NELL1: variants seen among roughly 807,000 people sequenced by gnomAD.
NELL1 encodes the protein protein kinase C-binding protein NELL1.
Under a neutral mutation model 107.4 loss-of-function variants are expected in NELL1, and 76 were observed. The observed-to-expected ratio is 0.71, with a 90% confidence interval of 0.59 to 0.86. The LOEUF (loss-of-function observed/expected upper bound fraction) is 0.86. Ranked by LOEUF, NELL1 falls within the 40% of genes least tolerant of loss-of-function variation. NELL1 has a pLI of 0.00. For missense variants in NELL1, 1,024 were observed against 1,005.5 expected (o/e 1.02, Z -0.25); for synonymous variants, 353 against 341.2 (o/e 1.03, Z -0.38).
At chr11:20,727,490 G>A (rs1218307669) in intron 2 of NELL1, among the ~76,000 whole-genome samples, 1 of 152,136 alleles carries the variant, frequency 6.6e-6, no homozygotes, top group African/African-American at 2.4e-5. Context: ...GTAGATTCTG[G>A]ATATTAGCCC....
chr11:21,113,461 G>A (rs1278531163), intron 12 of NELL1, 128 bp from the exon 13 acceptor site: 2 of 907,044 alleles, frequency 2.2e-6, no homozygotes, highest in Non-Finnish European at 3.3e-6. Flanking sequence ...AAGCTTTTGT[G>A]TTTAATGCAT....
intron 14 of NELL1, among the ~76,000 whole-genome samples, chr11:21,367,261 TACACACAC>T (rs72275889): frequency 0.4 from 57,840 of 145,020 alleles, 11,897 homozygotes; most frequent in Non-Finnish European, 0.46. Flanking sequence ...TTTATCTTAC[TACACACAC>T]ACACACACAC....
At chr11:21,382,355 CATT>C (rs1383632661) in intron 15 of NELL1, among the ~76,000 whole-genome samples, 3 of 151,904 alleles carry the variant, frequency 2.0e-5, no homozygotes, top group African/African-American at 7.2e-5. Context: ...ACAACTATTA[CATT>C]ATTGTCTATC....
chr11:21,288,554 T>A (rs1216458502), intron 14 of NELL1, among the ~76,000 whole-genome samples: 3 of 152,352 alleles, frequency 2.0e-5, no homozygotes, highest in African/African-American at 7.2e-5. Flanking sequence ...TCATCCCAAC[T>A]CTGCCACACA....
At chr11:21,093,400 T>G (rs1256194105) in intron 12 of NELL1, among the ~76,000 whole-genome samples, 1 of 152,206 alleles carries the variant, frequency 6.6e-6, no homozygotes, top group Non-Finnish European at 1.5e-5. Context: ...TACTTCTTCT[T>G]TGGCCAACTC....
At chr11:21,281,854 G>A (rs1849002669) in intron 14 of NELL1, among the ~76,000 whole-genome samples, 1 of 152,150 alleles carries the variant, frequency 6.6e-6, no homozygotes, top group African/African-American at 2.4e-5. Flanking sequence ...AATAAAAATG[G>A]ATTAGACTTA....
chr11:20,899,720 C>A (rs796335002), intron 5 of NELL1, among the ~76,000 whole-genome samples: 5 of 151,636 alleles, frequency 3.3e-5, no homozygotes, highest in African/African-American at 1.2e-4. Flanking sequence ...GAAGTTTGAG[C>A]AAGAAGAAAA....
chr11:20,725,027 A>ATGAGTGTGT (rs1373850154), intron 2 of NELL1, among the ~76,000 whole-genome samples: 1 of 152,218 alleles, frequency 6.6e-6, no homozygotes, highest in East Asian at 1.9e-4. Context: ...TAAAACCATC[A>ATGAGTGTGT]GCTCTCATAA....
At position 21,478,841 on chromosome 11, in the gene NELL1, GA is replaced by G. The variant is rs34783621; in HGVS notation, c.1646-55522del. Among the ~76,000 whole-genome samples the G allele has an allele frequency of 1.1e-3, 159 of 147,306 alleles. 2 individuals are homozygous for G. The South Asian group carries it at 0.015, about 14-fold the overall frequency. Reference sequence around the variant, plus strand: ...TATAGGAGCTCAAACAACCCTATAAGAAAAAAAAAAACTGATAATCTGATTT... The same window carrying G: ...TATAGGAGCTCAAACAACCCTATAAGAAAAAAAAAACTGATAATCTGATTT... On this transcript the variant is annotated intron_variant, in intron 15 of 19. Transcript: ENST00000357134.
At chr11:21,215,924 A>G (rs954914938) in intron 13 of NELL1, among the ~76,000 whole-genome samples, 6 of 152,208 alleles carry the variant, frequency 3.9e-5, no homozygotes, top group African/African-American at 1.4e-4. Context: ...CTGAGTGTTA[A>G]TCACCAAGGC....
intron 12 of NELL1, among the ~76,000 whole-genome samples, chr11:21,002,659 C>T (rs537513015): frequency 1.9e-4 from 29 of 152,256 alleles, no homozygotes; most frequent in African/African-American, 6.7e-4. Flanking sequence ...GAAAGAGGTT[C>T]TCTTGTCTAG....
intron 3 of NELL1, among the ~76,000 whole-genome samples, chr11:20,841,120 C>A (rs537291752): frequency 4.6e-5 from 7 of 152,174 alleles, no homozygotes; most frequent in African/African-American, 1.7e-4. Flanking sequence ...GTTTACTTCC[C>A]AGTTCAATGT....
intron 12 of NELL1, among the ~76,000 whole-genome samples, chr11:21,104,753 A>C (rs1346693471): frequency 6.6e-6 from 1 of 152,236 alleles, no homozygotes; most frequent in Non-Finnish European, 1.5e-5. Flanking sequence ...TGTTATCATT[A>C]TTAGTCAGCT....
intron 12 of NELL1, among the ~76,000 whole-genome samples, chr11:21,000,356 G>A (rs1852189559): frequency 6.6e-6 from 1 of 152,122 alleles, no homozygotes; most frequent in African/African-American, 2.4e-5. Flanking sequence ...ACCTACTTAA[G>A]GGAACCTTTA....
At chr11:20,953,967 A>G (rs997478291) in intron 11 of NELL1, among the ~76,000 whole-genome samples, 2 of 152,158 alleles carry the variant, frequency 1.3e-5, no homozygotes, top group Non-Finnish European at 2.9e-5. Context: ...ATGCCTGCAC[A>G]TGTGCTAGGT....
intron 14 of NELL1, among the ~76,000 whole-genome samples, chr11:21,314,917 C>T (rs1018565872): frequency 2.0e-5 from 3 of 151,486 alleles, no homozygotes; most frequent in African/African-American, 4.9e-5. Flanking sequence ...AGTGCAGTGG[C>T]GCAATATCAG....
intron 15 of NELL1, among the ~76,000 whole-genome samples, chr11:21,477,151 TC>T (rs1564913579): frequency 6.6e-6 from 1 of 151,758 alleles, no homozygotes; most frequent in South Asian, 2.1e-4. Flanking sequence ...GCACCACCCC[TC>T]CCCCAAGCCC....
intron 12 of NELL1, among the ~76,000 whole-genome samples, chr11:20,985,561 G>A (rs1345662582): frequency 6.6e-6 from 1 of 152,150 alleles, no homozygotes; most frequent in Non-Finnish European, 1.5e-5. Flanking sequence ...GGTGCCATAA[G>A]AACCCACAGA....
At chr11:20,990,123 A>G (rs887585044) in intron 12 of NELL1, among the ~76,000 whole-genome samples, 1 of 150,828 alleles carries the variant, frequency 6.6e-6, no homozygotes, top group Non-Finnish European at 1.5e-5. Flanking sequence ...ATATGGGGGG[A>G]GTACAGTTTG....
Sources: gnomAD v4.1 joint callset for allele counts (sites outside exome capture counted in the v4.1 genomes callset) on GRCh38, gnomAD v4.1.1 for gene constraint, MANE v1.5 for transcripts, NCBI Gene and HGNC (gene_info 2026-07-23, HGNC 2026-07-21) for gene names.